OCA2: variants seen among roughly 807,000 people sequenced by gnomAD.
OCA2 encodes the protein OCA2 melanosomal transmembrane protein, also known as P protein.
A neutral mutation model predicts 100.2 loss-of-function variants in OCA2; 77 were observed. The observed-to-expected ratio is 0.77, with a 90% CI of 0.64 to 0.93. The LOEUF is 0.93. OCA2 is among the 40% of genes least tolerant of loss of function. OCA2 has a pLI of 0.00. For synonymous variants in OCA2, 432 were observed against 439.2 expected (o/e 0.98, Z 0.21); for missense variants, 1,062 against 1,089.1 (o/e 0.98, Z 0.35).
chr15:28,057,474 A>G (rs2043737684), intron 2 of OCA2, among the ~76,000 whole-genome samples: 1 of 152,116 alleles, frequency 6.6e-6, no homozygotes, highest in Non-Finnish European at 1.5e-5. Flanking sequence ...CCTGGAGACC[A>G]GTGAATCCCT....
chr15:27,742,798 C>T, the OCA2 span, among the ~76,000 whole-genome samples: 1 of 152,292 alleles, frequency 6.6e-6, no homozygotes, highest in African/African-American at 2.4e-5. Flanking sequence ...TTTAAGGGCT[C>T]ACCATACATA....
chr15:27,903,017 C>T (rs914945075), intron 19 of OCA2, among the ~76,000 whole-genome samples: 7 of 152,256 alleles, frequency 4.6e-5, no homozygotes, highest in East Asian at 1.9e-4. Context: ...AGGGAGGCCA[C>T]GAGGGGCAGT....
At chr15:28,015,654 C>T (rs1187661442) in intron 8 of OCA2, among the ~76,000 whole-genome samples, 1 of 152,118 alleles carries the variant, frequency 6.6e-6, no homozygotes, top group African/African-American at 2.4e-5. Context: ...ACCTTGACCT[C>T]GGACTTCCAG....
intron 22 of OCA2, among the ~76,000 whole-genome samples, chr15:27,849,263 G>A (rs1368155327): frequency 1.3e-5 from 2 of 151,832 alleles, no homozygotes; most frequent in Non-Finnish European, 2.9e-5. Flanking sequence ...TGCTGCCTGA[G>A]TTGTTGAGAA....
intron 16 of OCA2, among the ~76,000 whole-genome samples, chr15:27,955,977 A>C (rs1434059904): frequency 1.3e-5 from 2 of 152,244 alleles, no homozygotes; most frequent in Non-Finnish European, 2.9e-5. Flanking sequence ...CTGACCACAC[A>C]GGCAGTCTGG....
At chr15:27,989,911 C>T (rs1437052945) in intron 10 of OCA2, among the ~76,000 whole-genome samples, 2 of 152,224 alleles carry the variant, frequency 1.3e-5, no homozygotes, top group Admixed American at 6.5e-5. Context: ...CCTCTGGCAG[C>T]TCCCACATGG....
intron 19 of OCA2, among the ~76,000 whole-genome samples, chr15:27,924,577 C>T (rs947869903): frequency 3.3e-5 from 5 of 151,958 alleles, no homozygotes; most frequent in East Asian, 1.9e-4. Flanking sequence ...GTATTTTCCA[C>T]GAGATAAGTT....
intron 19 of OCA2, among the ~76,000 whole-genome samples, chr15:27,900,180 T>C (rs1390016159): frequency 6.6e-6 from 1 of 152,198 alleles, no homozygotes; most frequent in Non-Finnish European, 1.5e-5. Flanking sequence ...CTAGAGAGCA[T>C]GTGCAATTTG....
chr15:27,838,247 T>C (rs2035226650), intron 23 of OCA2, among the ~76,000 whole-genome samples: 1 of 151,978 alleles, frequency 6.6e-6, no homozygotes, highest in Non-Finnish European at 1.5e-5. Context: ...GACAAAACCA[T>C]GAAGACTAAA....
intron 18 of OCA2, among the ~76,000 whole-genome samples, chr15:27,932,074 G>A (rs778812365): frequency 5.3e-5 from 8 of 152,162 alleles, no homozygotes; most frequent in African/African-American, 9.7e-5. Context: ...TGTAAATAAC[G>A]TTATACTTAA....
intron 1 of OCA2, among the ~76,000 whole-genome samples, chr15:28,086,547 T>C (rs1222719402): frequency 6.6e-6 from 1 of 152,142 alleles, no homozygotes; most frequent in Non-Finnish European, 1.5e-5. Flanking sequence ...TATAAAGCAA[T>C]ACTCAAAATA....
At chr15:27,811,737 G>A (rs75204270) in intron 23 of OCA2, among the ~76,000 whole-genome samples, 4,764 of 152,238 alleles carry the variant, frequency 0.031, 223 homozygotes, top group African/African-American at 0.11. Context: ...CCTGTACCTC[G>A]GTCTGGCTTT....
intron 21 of OCA2, among the ~76,000 whole-genome samples, chr15:27,863,423 G>A (rs1171142909): frequency 6.6e-6 from 1 of 152,168 alleles, no homozygotes; most frequent in South Asian, 2.1e-4. Flanking sequence ...CCTCCTGATG[G>A]GCCGGGCCTA....
intron 11 of OCA2, among the ~76,000 whole-genome samples, chr15:27,989,086 A>C (rs150696756): frequency 1.3e-4 from 20 of 152,218 alleles, no homozygotes; most frequent in Admixed American, 2.6e-4. Context: ...GTTCTAGTTA[A>C]GCTGGGTTAG....
At chr15:27,992,228 G>A (rs2041579791) in intron 9 of OCA2, among the ~76,000 whole-genome samples, 1 of 152,046 alleles carries the variant, frequency 6.6e-6, no homozygotes, top group Non-Finnish European at 1.5e-5. Context: ...AGCCTCCCAA[G>A]TAGCTGCAAT....
Position 27,876,131 on chromosome 15 carries a change from A to T in OCA2, c.2080-4209T>A, listed in dbSNP as rs552125621. On this transcript the variant is annotated intron_variant, in intron 19 of 23. Transcript: ENST00000354638. ...AATTAAGTTTTTCGCCATGAAGTAT[A>T]AGGTTGGCTCTAGGTTTTTCAAAAA... Among the ~76,000 whole-genome samples the T allele has an allele frequency of 6.6e-5, 10 of 152,178 alleles. No homozygotes were observed. In the East Asian group the frequency reaches 1.9e-3, roughly 29 times the overall value.
At chr15:27,829,778 C>G (rs550521974) in intron 23 of OCA2, among the ~76,000 whole-genome samples, 2 of 152,192 alleles carry the variant, frequency 1.3e-5, no homozygotes, top group African/African-American at 4.8e-5. Flanking sequence ...TTACCTGATT[C>G]GCCACTTTGG....
At chr15:28,059,062 A>G (rs1291656713) in intron 2 of OCA2, among the ~76,000 whole-genome samples, 1 of 152,236 alleles carries the variant, frequency 6.6e-6, no homozygotes, top group Admixed American at 6.5e-5. Flanking sequence ...TGCATAGGAC[A>G]TTAGATCACA....
intron 9 of OCA2, among the ~76,000 whole-genome samples, chr15:28,013,940 G>T (rs117801799): frequency 6.6e-6 from 1 of 152,156 alleles, no homozygotes; most frequent in Non-Finnish European, 1.5e-5. Context: ...TGTTAGACAG[G>T]TGAGGGCTCA....
Sources: gnomAD v4.1 joint callset for allele counts (sites outside exome capture counted in the v4.1 genomes callset) on GRCh38, gnomAD v4.1.1 for gene constraint, MANE v1.5 for transcripts, NCBI Gene and HGNC (gene_info 2026-07-23, HGNC 2026-07-21) for gene names.